Variants in KATNIP observed in about 807,000 individuals in gnomAD.
The protein encoded by KATNIP is katanin-interacting protein.
Under a neutral mutation model 174.0 loss-of-function variants are expected in KATNIP, and 126 were observed. That is an observed-to-expected ratio of 0.72 (90% CI 0.63 to 0.84). The LOEUF (loss-of-function observed/expected upper bound fraction) is 0.84, where lower values mean the gene tolerates loss of function less well. KATNIP is among the 40% of genes least tolerant of loss of function. KATNIP has a pLI of 0.00. For synonymous variants in KATNIP, 810 were observed against 835.7 expected (o/e 0.97, Z 0.53); for missense variants, 1,958 against 2,109.7 (o/e 0.93, Z 1.41).
chr16:27,778,500 A>T, intron 27 of KATNIP, 74 bp from the exon 28 acceptor site: 1 of 1,472,778 alleles, frequency 6.8e-7, no homozygotes, highest in Non-Finnish European at 9.4e-7. Flanking sequence ...GCTGGATTTC[A>T]CTGGGGAGTG....
intron 5 of KATNIP, among the ~76,000 whole-genome samples, chr16:27,643,526 G>C (rs1353575075): frequency 1.5e-5 from 2 of 132,986 alleles, no homozygotes; most frequent in Non-Finnish European, 3.1e-5. Flanking sequence ...AGGAGGCAGA[G>C]GTTGCAGTGA....
chr16:27,775,113 T>C, intron 24 of KATNIP, 29 bp downstream of exon 24: 1 of 1,600,056 alleles, frequency 6.2e-7, no homozygotes, highest in Non-Finnish European at 8.5e-7. Flanking sequence ...CCACCGCAGC[T>C]CCTGGCCCTC....
intron 14 of KATNIP, among the ~76,000 whole-genome samples, chr16:27,734,194 C>T (rs989841586): frequency 2.6e-5 from 4 of 151,752 alleles, no homozygotes; most frequent in East Asian, 1.9e-4. Context: ...GTAATTCTCC[C>T]GCCTCAGCCT....
intron 2 of KATNIP, among the ~76,000 whole-genome samples, chr16:27,578,188 C>G: frequency 6.6e-6 from 1 of 151,966 alleles, no homozygotes; most frequent in East Asian, 1.9e-4. Flanking sequence ...CAAAAATTAG[C>G]CAGGCGTGGT....
In KATNIP at chr16:27,631,127, G is replaced by C; in HGVS notation, c.373G>C (p.Ala125Pro). ...EEALRRSSRT[A>P]PSKVQRRGWH... ...AGCCTTAAGACGCAGTTCACGGACAGCCCCCAGTAAAGTCCAGCGCCGAGG... is the reference window on the plus strand; with the variant it reads ...AGCCTTAAGACGCAGTTCACGGACACCCCCCAGTAAAGTCCAGCGCCGAGG... The change falls in exon 5 of 28, where the codon GCC becomes CCC. Residue 125 changes from alanine (A) to proline (P), a missense_variant. Ala to Pro is a conservative substitution (Grantham distance 27, BLOSUM62 -1). Coordinates refer to ENST00000261588, the MANE Select transcript of KATNIP (RefSeq NM_015202.5). 6.3e-7 allele frequency: 1 copy of C among 1,576,354 alleles called. No individual in the cohort carries two copies.
Position 27,707,531 on chromosome 16 carries a change from T to TATCACATAG in KATNIP, c.1390-1171_1390-1163dup, listed in dbSNP as rs577030594. ...TCTTGTTTAACATCTGTGACAGGAT[T>TATCACATAG]ATCACATAGATGGTGTCATGTCCTC... On this transcript the variant is annotated intron_variant, in intron 12 of 27. Coordinates refer to ENST00000261588, the MANE Select transcript of KATNIP (RefSeq NM_015202.5). Among the ~76,000 whole-genome samples the TATCACATAG allele has an allele frequency of 2.3e-4, 35 of 152,358 alleles. 1 individual carries two copies. The East Asian group carries it at 6.4e-3, about 28-fold the overall frequency.
At chr16:27,730,614 G>A (rs976151757) in intron 14 of KATNIP, among the ~76,000 whole-genome samples, 3 of 152,098 alleles carry the variant, frequency 2.0e-5, no homozygotes, top group South Asian at 2.1e-4. Flanking sequence ...TACCTGACCC[G>A]TCTTGTTACA....
chr16:27,570,775 C>G (rs2090261407), intron 1 of KATNIP, among the ~76,000 whole-genome samples: 1 of 152,074 alleles, frequency 6.6e-6, no homozygotes, highest in Non-Finnish European at 1.5e-5. Context: ...GCTGGGTCTC[C>G]AGGCTTGCTC....
At chr16:27,774,855 A>G (rs912902451) in intron 23 of KATNIP, 90 bp from the exon 24 acceptor site, 4 of 1,493,898 alleles carry the variant, frequency 2.7e-6, no homozygotes, top group Non-Finnish European at 3.7e-6. Context: ...TGCCAGCCCC[A>G]GAGTCCCCCG....
intron 14 of KATNIP, among the ~76,000 whole-genome samples, chr16:27,736,451 CAG>C (rs904882972): frequency 3.9e-5 from 6 of 152,146 alleles, no homozygotes; most frequent in Admixed American, 1.3e-4. Context: ...GGAAATAAAA[CAG>C]GGCAATAAGA....
intron 1 of KATNIP, among the ~76,000 whole-genome samples, chr16:27,559,293 C>A (rs2089754560): frequency 6.6e-6 from 1 of 152,202 alleles, no homozygotes; most frequent in South Asian, 2.1e-4. Context: ...CCCCTCCAGT[C>A]TCATCTTTTT....
At chr16:27,722,415 C>T (rs1159338144) in intron 14 of KATNIP, 3 of 152,296 alleles carry the variant, frequency 2.0e-5, no homozygotes, top group Non-Finnish European at 4.4e-5. Flanking sequence ...AGGATCCACA[C>T]CCTCCTTTCT....
chr16:27,743,776 G>A (rs1392352768), intron 15 of KATNIP, among the ~76,000 whole-genome samples: 3 of 152,130 alleles, frequency 2.0e-5, no homozygotes, highest in Non-Finnish European at 2.9e-5. Flanking sequence ...ACTGGAACCC[G>A]CACAGATCAG....
chr16:27,571,775 T>C (rs938351751), intron 1 of KATNIP, among the ~76,000 whole-genome samples: 1 of 152,198 alleles, frequency 6.6e-6, no homozygotes, highest in Non-Finnish European at 1.5e-5. Context: ...GACAGTCCCT[T>C]CGCTCTGCAT....
intron 13 of KATNIP, among the ~76,000 whole-genome samples, chr16:27,720,220 A>G (rs746032134): frequency 6.6e-6 from 1 of 152,030 alleles, no homozygotes; most frequent in Non-Finnish European, 1.5e-5. Context: ...CCTCCTGAGT[A>G]GCTGGGATTA....
At position 27,749,810 on chromosome 16, in the gene KATNIP, G is replaced by A. The variant is rs780386482; in HGVS notation, c.2850G>A (p.Ser950=). 8.7e-6 allele frequency: 14 copies of A among 1,612,562 alleles called. No homozygotes were observed. In the Admixed American group the frequency reaches 1.5e-4, roughly 17 times the overall value. The change falls in exon 16 of 28, where the codon TCG becomes TCA. Residue 950 remains serine (S), a synonymous_variant. Coordinates refer to ENST00000261588, the MANE Select transcript of KATNIP (RefSeq NM_015202.5). ...AGAAGGGGGAGCAGCCAGGGCTGTC[G>A]AGAGGGCAGGATGGCTACTCTGGAG... The part of the protein sequence containing the change: ...PSKKGEQPGL[S]RGQDGYSGET...
Position 27,652,717 on chromosome 16 carries a change from G to A in KATNIP, c.540+3982G>A, listed in dbSNP as rs567988949. Reference sequence around the variant, plus strand: ...AATCCCAGCTACTCAGGAGGCCGAGGCAGGAGAATCACTTGAACCTAGGAG... The same window carrying A: ...AATCCCAGCTACTCAGGAGGCCGAGACAGGAGAATCACTTGAACCTAGGAG... On this transcript the variant is annotated intron_variant, in intron 6 of 27. Coordinates refer to ENST00000261588, the MANE Select transcript of KATNIP (RefSeq NM_015202.5). 5.9e-5 allele frequency among the ~76,000 whole-genome samples: 9 copies of A among 151,870 alleles called. No homozygotes were observed. The South Asian group carries it at 1.3e-3, about 21-fold the overall frequency.
intron 6 of KATNIP, among the ~76,000 whole-genome samples, chr16:27,669,493 A>G (rs960157442): frequency 2.0e-5 from 3 of 152,252 alleles, no homozygotes; most frequent in African/African-American, 4.8e-5. Flanking sequence ...GCTATAAAGT[A>G]TGTTTTTTCA....
Position 27,662,037 on chromosome 16 carries a change from T to TAC in KATNIP, c.540+13303_540+13304insCA, listed in dbSNP as rs1393557900. Among the ~76,000 whole-genome samples, 5 of 40,512 alleles carry TAC rather than the reference T, an allele frequency of 1.2e-4. 2 individuals are homozygous for TAC. The highest frequency in any genetic ancestry group is 2.3e-4 in the Non-Finnish European group (5 of 22,004). The allele number at this position is 40,512 out of a possible 152,430, so 26.6% of individuals were successfully genotyped here. ...ATATACACATACATATATATATATA[T>TAC]ATATACACATACATATATATATATA... On this transcript the variant is annotated intron_variant, in intron 6 of 27. Coordinates refer to ENST00000261588, the MANE Select transcript of KATNIP (RefSeq NM_015202.5).
Sources: allele counts gnomAD v4.1 joint callset (sites outside exome capture counted in the v4.1 genomes callset), GRCh38; gene constraint gnomAD v4.1.1; transcripts MANE v1.5; gene names NCBI Gene and HGNC (gene_info 2026-07-23, HGNC 2026-07-21).